PTBP2: variants seen among roughly 807,000 people sequenced by gnomAD.
The protein encoded by PTBP2 is polypyrimidine tract-binding protein 2.
In PTBP2, 13 loss-of-function variants were observed where a neutral mutation model predicts 61.4. The ratio of observed to expected loss-of-function variants is 0.21; its 90% CI spans 0.14 to 0.34. The LOEUF is 0.34. Ranked by LOEUF, PTBP2 falls within the 10% of genes least tolerant of loss-of-function variation. The pLI is 1.00. For missense variants in PTBP2, 405 were observed against 642.6 expected, an observed-to-expected ratio of 0.63 and a Z score of 4.00; for synonymous variants, 215 against 218.5, an observed-to-expected ratio of 0.98 and a Z score of 0.14.
At chr1:96,752,343 A>G (rs1654653675) in intron 3 of PTBP2, among the ~76,000 whole-genome samples, 1 of 152,102 alleles carries the variant, frequency 6.6e-6, no homozygotes, top group Admixed American at 6.6e-5. Flanking sequence ...AACAAATTAT[A>G]TTTGGCAATA....
chr1:96,804,882 G>A lies in PTBP2; in HGVS notation c.987G>A (p.Met329Ile), dbSNP rs756373543. 4 of 1,611,762 alleles carry A rather than the reference G, an allele frequency of 2.5e-6. No homozygotes were observed. The South Asian group carries it at 3.3e-5, about 13-fold the overall frequency. The stretch of plus-strand genomic sequence containing the variant: ...CAGCTGCTGCTGGCCGAGTGGGTAT[G>A]CCTGGAGTCTCAGCTGGTGGCAATA... ...AAAAAAGRVG[M>I]PGVSAGGNTV... Residue 329 changes from methionine to isoleucine, a missense_variant, in exon 9 of 14, where the codon ATG (methionine) becomes ATA (isoleucine). Physicochemically the swap from Met to Ile is conservative, Grantham distance 10. Transcript: ENST00000674951.
chr1:96,740,573 C>T (rs191735142), intron 2 of PTBP2, among the ~76,000 whole-genome samples: 1 of 152,258 alleles, frequency 6.6e-6, no homozygotes, highest in East Asian at 1.9e-4. Context: ...TAATACCCTG[C>T]ATATAGTTGA....
At chr1:96,741,541 C>T (rs1334352276) in intron 2 of PTBP2, among the ~76,000 whole-genome samples, 6 of 152,090 alleles carry the variant, frequency 3.9e-5, no homozygotes, top group African/African-American at 1.4e-4. Context: ...AGATTACAGG[C>T]GTGAGTCGCT....
At chr1:96,790,871 T>G (rs956457281) in intron 8 of PTBP2, among the ~76,000 whole-genome samples, 2 of 152,096 alleles carry the variant, frequency 1.3e-5, no homozygotes, top group East Asian at 3.9e-4. Flanking sequence ...GTGGGGTGGA[T>G]AAAGGACTAA....
At chr1:96,743,442 C>T (rs934716346) in intron 2 of PTBP2, among the ~76,000 whole-genome samples, 2 of 152,132 alleles carry the variant, frequency 1.3e-5, no homozygotes, top group African/African-American at 4.8e-5. Flanking sequence ...TATGTAATTC[C>T]TGTTGTATGT....
At chr1:96,788,892 A>G (rs1269310236) in intron 8 of PTBP2, among the ~76,000 whole-genome samples, 1 of 152,070 alleles carries the variant, frequency 6.6e-6, no homozygotes, top group Non-Finnish European at 1.5e-5. Context: ...GTTCAAAGAA[A>G]GGAGACTGAG....
chr1:96,784,395 C>T (rs993338809), intron 7 of PTBP2, among the ~76,000 whole-genome samples: 1 of 151,952 alleles, frequency 6.6e-6, no homozygotes, highest in East Asian at 1.9e-4. Context: ...TTAAGATGAC[C>T]GAAAAGAGTC....
Position 96,770,725 on chromosome 1 carries a change from A to T in PTBP2, c.306A>T (p.Ala102=). The T allele has an allele frequency of 6.2e-7, 1 of 1,611,488 alleles. No homozygotes were observed. Among genetic ancestry groups the T allele is most frequent in the Non-Finnish European group, 8.5e-7 (1 of 1,178,622 alleles). ...ATTTTCAGGCATTTTTGGAACTAGC[A>T]ACCGAGGAAGCAGCTATTACTATGG... is the stretch of plus-strand genomic sequence containing the variant. ...KGKNQAFLEL[A]TEEAAITMVN... The change falls in exon 5 of 14, where the codon GCA becomes GCT. Residue 102 remains alanine (A), a synonymous_variant. Coordinates refer to ENST00000674951, the MANE Select transcript of PTBP2 (RefSeq NM_021190.4).
chr1:96,736,534 T>C (rs1159311700), intron 2 of PTBP2, among the ~76,000 whole-genome samples: 1 of 152,196 alleles, frequency 6.6e-6, no homozygotes, highest in African/African-American at 2.4e-5. Context: ...GTTGATCTTC[T>C]ACTTAATTGA....
At chr1:96,765,815 A>T (rs777697313) in intron 3 of PTBP2, among the ~76,000 whole-genome samples, 1 of 152,178 alleles carries the variant, frequency 6.6e-6, no homozygotes, top group Non-Finnish European at 1.5e-5. Context: ...ATCGGAACAA[A>T]AACAGCATGG....
chr1:96,772,585 C>T (rs1657504339), intron 5 of PTBP2, among the ~76,000 whole-genome samples: 1 of 152,148 alleles, frequency 6.6e-6, no homozygotes, highest in African/African-American at 2.4e-5. Context: ...TCCTCCCTCC[C>T]CCAGCCTCTG....
intron 11 of PTBP2, among the ~76,000 whole-genome samples, chr1:96,808,796 A>AAC (rs899269881): frequency 2.0e-5 from 3 of 149,520 alleles, no homozygotes; most frequent in South Asian, 2.1e-4. Context: ...TTTCCTTTAA[A>AAC]ACACACACAC....
chr1:96,722,024 T>C (rs1357207161), intron 1 of PTBP2, 152 bp downstream of exon 1: 2 of 1,037,010 alleles, frequency 1.9e-6, no homozygotes, highest in Middle Eastern at 3.0e-4. Context: ...CACCCCTCCC[T>C]TTGCTTCCCC....
intron 8 of PTBP2, among the ~76,000 whole-genome samples, chr1:96,790,724 C>A (rs1293471071): frequency 6.6e-6 from 1 of 152,156 alleles, no homozygotes; most frequent in Non-Finnish European, 1.5e-5. Flanking sequence ...ATTCTTCCCA[C>A]TGTCTGCTTT....
intron 3 of PTBP2, among the ~76,000 whole-genome samples, chr1:96,755,299 T>G (rs1254769253): frequency 6.6e-6 from 1 of 152,170 alleles, no homozygotes; most frequent in African/African-American, 2.4e-5. Context: ...AGTGAGATAA[T>G]ATTACAAACC....
intron 8 of PTBP2, among the ~76,000 whole-genome samples, chr1:96,799,339 A>T (rs1294660737): frequency 1.0e-5 from 1 of 97,282 alleles, no homozygotes; most frequent in Non-Finnish European, 1.9e-5. Context: ...TCTGTCGCCC[A>T]GGCTGGAGTG....
At chr1:96,736,114 A>G (rs1175296585) in intron 2 of PTBP2, among the ~76,000 whole-genome samples, 2 of 152,210 alleles carry the variant, frequency 1.3e-5, no homozygotes, top group Admixed American at 6.5e-5. Context: ...CCAAATTATC[A>G]TATAAGGAGA....
chr1:96,740,398 T>A (rs1193218736), intron 2 of PTBP2, among the ~76,000 whole-genome samples: 1 of 152,152 alleles, frequency 6.6e-6, no homozygotes, highest in African/African-American at 2.4e-5. Flanking sequence ...AGAAGCTCTC[T>A]GGTATTTCTT....
At chr1:96,773,978 A>G (rs999372469) in intron 5 of PTBP2, among the ~76,000 whole-genome samples, 2 of 150,898 alleles carry the variant, frequency 1.3e-5, no homozygotes, top group African/African-American at 4.9e-5. Context: ...AAAAAAAAAA[A>G]AAGAATTCCT....
Sources: gnomAD v4.1 joint callset for allele counts (sites outside exome capture counted in the v4.1 genomes callset) on GRCh38, gnomAD v4.1.1 for gene constraint, MANE v1.5 for transcripts, NCBI Gene and HGNC (gene_info 2026-07-23, HGNC 2026-07-21) for gene names.